ATP13A5: variants seen among roughly 807,000 people sequenced by gnomAD.
ATP13A5 encodes the protein ATPase 13A5, also known as probable cation-transporting ATPase 13A5.
A neutral mutation model predicts 150.2 loss-of-function variants in ATP13A5; 149 were observed. That is an observed-to-expected ratio of 0.99 (90% CI 0.87 to 1.14). The LOEUF (loss-of-function observed/expected upper bound fraction) is 1.14, where lower values mean the gene tolerates loss of function less well. ATP13A5 is among the 50% of genes most tolerant of loss of function. The pLI is 0.00. For synonymous variants in ATP13A5, 497 were observed against 522.2 expected (o/e 0.95, Z 0.66); for missense variants, 1,383 against 1,449.3 (o/e 0.95, Z 0.74).
intron 9 of ATP13A5, among the ~76,000 whole-genome samples, chr3:193,342,920 T>C (rs547046380): frequency 1.1e-4 from 17 of 152,346 alleles, no homozygotes; most frequent in African/African-American, 3.8e-4. Context: ...GTAAAAGATA[T>C]GATCAGTATG....
intron 12 of ATP13A5, among the ~76,000 whole-genome samples, chr3:193,329,324 G>A (rs1019615977): frequency 7.9e-5 from 12 of 152,152 alleles, no homozygotes; most frequent in Non-Finnish European, 1.6e-4. Context: ...TCAATCAAGA[G>A]TTTTTTGCAC....
intron 1 of ATP13A5, among the ~76,000 whole-genome samples, chr3:193,370,416 T>C (rs1713399038): frequency 6.6e-6 from 1 of 152,200 alleles, no homozygotes; most frequent in Non-Finnish European, 1.5e-5. Context: ...ACTTCAGATT[T>C]TTCGTGTGAA....
chr3:193,332,956 T>C (rs1361212352), intron 11 of ATP13A5, among the ~76,000 whole-genome samples: 1 of 152,126 alleles, frequency 6.6e-6, no homozygotes, highest in Non-Finnish European at 1.5e-5. Flanking sequence ...CCCAGTGACC[T>C]TGACATTCTG....
intron 21 of ATP13A5, among the ~76,000 whole-genome samples, chr3:193,308,815 A>G (rs1357248883): frequency 6.6e-6 from 1 of 152,144 alleles, no homozygotes; most frequent in African/African-American, 2.4e-5. Context: ...AAAGTTAGGC[A>G]TTTTAGTTGG....
intron 9 of ATP13A5, among the ~76,000 whole-genome samples, chr3:193,340,989 A>C (rs1247544066): frequency 6.6e-6 from 1 of 152,184 alleles, no homozygotes. Context: ...GCCACTTCTA[A>C]GCTGTGTGAC....
chr3:193,283,626 C>A lies in ATP13A5; in HGVS notation c.3226+1288G>T, dbSNP rs60263179. On this transcript the variant is annotated intron_variant, in intron 27 of 29. Coordinates refer to ENST00000342358, the MANE Select transcript of ATP13A5 (RefSeq NM_198505.4). ...TGGATATAATATTAAGAAGCACACC[C>A]TCTCCAAAACAACTGATAGAAGTGA... Among the ~76,000 whole-genome samples, 11 of 152,014 alleles carry A rather than the reference C, an allele frequency of 7.2e-5. No individual in the cohort carries two copies. The East Asian group carries it at 7.7e-4, about 11-fold the overall frequency.
At chr3:193,286,089 A>G (rs1305771976) in intron 26 of ATP13A5, among the ~76,000 whole-genome samples, 3 of 152,208 alleles carry the variant, frequency 2.0e-5, no homozygotes, top group Admixed American at 1.3e-4. Flanking sequence ...TGTCCAAGAT[A>G]TGAGCTTTCC....
At chr3:193,288,424 A>T (rs943756540) in intron 26 of ATP13A5, among the ~76,000 whole-genome samples, 1 of 152,190 alleles carries the variant, frequency 6.6e-6, no homozygotes, top group African/African-American at 2.4e-5. Flanking sequence ...TACCTTGATC[A>T]GTCAGCAGCC....
intron 17 of ATP13A5, among the ~76,000 whole-genome samples, chr3:193,317,987 G>A (rs1355961377): frequency 1.3e-5 from 2 of 152,186 alleles, no homozygotes; most frequent in Non-Finnish European, 2.9e-5. Flanking sequence ...GGACCTTTAT[G>A]TTTGCTCAAG....
chr3:193,307,108 G>T, intron 22 of ATP13A5: 2 of 1,365,012 alleles, frequency 1.5e-6, no homozygotes, highest in Non-Finnish European at 1.9e-6. Flanking sequence ...CTTCCTTTGT[G>T]TTTATTATTC....
intron 1 of ATP13A5, among the ~76,000 whole-genome samples, chr3:193,366,510 G>C (rs919793787): frequency 6.6e-6 from 1 of 151,734 alleles, no homozygotes; most frequent in Non-Finnish European, 1.5e-5. Context: ...TGAGAGCAAA[G>C]GAAGGATATT....
chr3:193,364,062 A>G, intron 2 of ATP13A5, 45 bp downstream of exon 2: 1 of 1,594,648 alleles, frequency 6.3e-7, no homozygotes, highest in Non-Finnish European at 8.6e-7. Flanking sequence ...GCAATACAGA[A>G]GACACGATCA....
In ATP13A5 at chr3:193,350,968, T is replaced by C. The variant is rs1348705978; in HGVS notation, c.741+99A>G. On this transcript the variant is annotated intron_variant, in intron 7 of 29. Coordinates refer to ENST00000342358, the MANE Select transcript of ATP13A5 (RefSeq NM_198505.4). ...CCCTCACTTTTTGTTTTATGACTTA[T>C]GGTTGACAAAGCAACTCCTGGCTCT... is the stretch of plus-strand genomic sequence containing the variant. 3.6e-6 allele frequency: 5 copies of C among 1,396,416 alleles called. No individual in the cohort carries two copies. The African/African-American group carries it at 4.3e-5, about 12-fold the overall frequency. 86.5% of individuals were successfully genotyped at this position (1,396,416 alleles called of 1,614,324 possible). A position where few individuals can be genotyped will look rare whatever the true frequency, so the allele number is the denominator to read the frequency against.
chr3:193,280,275 G>A lies in ATP13A5; in HGVS notation c.3227-821C>T, dbSNP rs974965746. On this transcript the variant is annotated intron_variant, in intron 27 of 29. Transcript: ENST00000342358. ...TCACCATATTGGCCAGGCTGGGCTCGAACTCCTGACCTGCGATCCACCCGC... is the reference window on the plus strand; with the variant it reads ...TCACCATATTGGCCAGGCTGGGCTCAAACTCCTGACCTGCGATCCACCCGC... Among the ~76,000 whole-genome samples, 9 of 152,074 alleles carry A rather than the reference G, an allele frequency of 5.9e-5. No individual in the cohort carries two copies. The East Asian group carries it at 1.6e-3, about 26-fold the overall frequency.
intron 28 of ATP13A5, 78 bp from the exon 29 acceptor site, chr3:193,276,908 ATAG>A (rs1717243052): frequency 1.3e-5 from 14 of 1,079,010 alleles, no homozygotes; most frequent in Non-Finnish European, 1.9e-5. Flanking sequence ...TATTTAATTT[ATAG>A]ATTTGTAATA....
rs574736200 is a variant in ATP13A5 at position 193,274,925 on chromosome 3, C to T, written c.*117G>A. 6.0e-4 allele frequency: 846 copies of T among 1,401,476 alleles called. 1 individual carries two copies. The highest frequency in any genetic ancestry group is 7.0e-4 in the Non-Finnish European group (719 of 1,024,200). The allele number at this position is 1,401,476 out of a possible 1,614,324, so 86.8% of individuals were successfully genotyped here. A position where few individuals can be genotyped will look rare whatever the true frequency, so the allele number is the denominator to read the frequency against. On this transcript the variant is annotated 3_prime_UTR_variant, in exon 30 of 30. Transcript: ENST00000342358. ...CAAGGTTTAATTCATTGAAAATATA[C>T]TTTGAATGCTTGAATGGAGAGAGGA...
chr3:193,351,008 TG>T, intron 7 of ATP13A5, 58 bp downstream of exon 7: 1 of 1,589,418 alleles, frequency 6.3e-7, no homozygotes, highest in Non-Finnish European at 8.6e-7. Flanking sequence ...GGAAATACCA[TG>T]GGCTTTACTT....
At chr3:193,325,916 C>T (rs1321523052) in intron 13 of ATP13A5, among the ~76,000 whole-genome samples, 1 of 152,098 alleles carries the variant, frequency 6.6e-6, no homozygotes, top group Non-Finnish European at 1.5e-5. Context: ...ATCTTTTTTC[C>T]CTTTCACTGC....
rs529564740 is a variant in ATP13A5 at position 193,363,157 on chromosome 3, C to T, written c.384+79G>A. The T allele has an allele frequency of 1.8e-5, 26 of 1,468,772 alleles. No individual in the cohort carries two copies. In the South Asian group the frequency reaches 2.3e-4, roughly 13 times the overall value. The allele number at this position is 1,468,772 out of a possible 1,614,324, so 91.0% of individuals were successfully genotyped here. Reference sequence around the variant, plus strand: ...ATTCCCATTCCAAAAGTGTGATATTCGGAACTTTCATTTAATAAACAGTTA... The same window carrying T: ...ATTCCCATTCCAAAAGTGTGATATTTGGAACTTTCATTTAATAAACAGTTA... On this transcript the variant is annotated intron_variant, in intron 3 of 29. Coordinates refer to ENST00000342358, the MANE Select transcript of ATP13A5 (RefSeq NM_198505.4).
Sources: allele counts gnomAD v4.1 joint callset (sites outside exome capture counted in the v4.1 genomes callset), GRCh38; gene constraint gnomAD v4.1.1; transcripts MANE v1.5; gene names NCBI Gene and HGNC (gene_info 2026-07-23, HGNC 2026-07-21).